The following SAMD4B variants were observed in gnomAD, a reference collection of about 807,000 sequenced individuals.
The protein encoded by SAMD4B is protein Smaug homolog 2.
SAMD4B carries 5 observed loss-of-function variants against 74.5 expected under a neutral mutation model. The observed-to-expected ratio is 0.07, with a 90% CI of 0.04 to 0.14. SAMD4B has a LOEUF of 0.14. Among genes scored for constraint, SAMD4B ranks in the 10% least tolerant of loss-of-function variants. SAMD4B has a pLI of 1.00. For missense variants in SAMD4B, 608 were observed against 921.8 expected (o/e 0.66, Z 4.41); for synonymous variants, 373 against 374.9 (o/e 1.00, Z 0.06).
At chr19:39,356,642 A>G in intron 2 of SAMD4B, 47 bp from the exon 3 acceptor site, 1 of 389,260 alleles carries the variant, frequency 2.6e-6, no homozygotes, top group Non-Finnish European at 4.7e-6. Context: ...TCACCAGGCA[A>G]GTTTCAGCCC....
At position 39,370,029 on chromosome 19, in the gene SAMD4B, C is replaced by G. The variant is rs2077191957; in HGVS notation, c.571C>G (p.Gln191Glu). 5 of 1,611,938 alleles carry G rather than the reference C, an allele frequency of 3.1e-6. No homozygotes were observed. The South Asian group carries it at 5.5e-5, about 18-fold the overall frequency. ...LGPGEAGPGWQDKPPRENGHV... is the reference protein window; with the variant it reads ...LGPGEAGPGWEDKPPRENGHV... ...CCCTGGGGAGGCAGGGCCAGGCTGG[C>G]AGGACAAGCCACCCCGGGAAAATGG... The change falls in exon 4 of 14, where the codon CAG becomes GAG. Residue 191 changes from glutamine to glutamate, a missense_variant. Transcript: ENST00000610417.
intron 4 of SAMD4B, among the ~76,000 whole-genome samples, chr19:39,370,478 A>G (rs2077224891): frequency 6.6e-6 from 1 of 152,202 alleles, no homozygotes; most frequent in South Asian, 2.1e-4. Flanking sequence ...AGTGGCAGCA[A>G]TAATATAGAG....
At chr19:39,356,440 G>A (rs923818744) in intron 2 of SAMD4B, among the ~76,000 whole-genome samples, 2 of 152,206 alleles carry the variant, frequency 1.3e-5, no homozygotes, top group African/African-American at 4.8e-5. Flanking sequence ...ACAGCCAGGT[G>A]TGAGGGCCAA....
At chr19:39,357,122 C>T (rs1479266643) in intron 3 of SAMD4B, 33 bp downstream of exon 3, 1 of 1,548,716 alleles carries the variant, frequency 6.5e-7, no homozygotes, top group African/African-American at 1.4e-5. Flanking sequence ...GGGAGCACAG[C>T]AGGAGGGAGA....
chr19:39,385,811 T>A (rs2078232984), downstream of SAMD4B: 1 of 876,126 alleles, frequency 1.1e-6, no homozygotes. Flanking sequence ...GCGGGAGGTA[T>A]GTGCTGGGCT....
At chr19:39,344,080 C>T (rs2075535954) in intron 1 of SAMD4B, among the ~76,000 whole-genome samples, 1 of 149,022 alleles carries the variant, frequency 6.7e-6, no homozygotes, top group Non-Finnish European at 1.5e-5. Context: ...ACCTTCCTGA[C>T]ACCACCAGAA....
chr19:39,378,450 A>G lies in SAMD4B; in HGVS notation c.1445-54A>G, dbSNP rs1460023457. The G allele has an allele frequency of 2.0e-6, 3 of 1,531,788 alleles. No homozygotes were observed. Among genetic ancestry groups the G allele is most frequent in the African/African-American group, 1.4e-5 (1 of 73,154 alleles). 94.9% of individuals were successfully genotyped at this position (1,531,788 alleles called of 1,614,324 possible). ...GCACGAGCCAGCTGGAGGCTGGAAC[A>G]TGGCAGAGGGCATACTAGGGGTTAA... On this transcript the variant is annotated intron_variant, in intron 8 of 13. Coordinates refer to ENST00000610417, the MANE Select transcript of SAMD4B (RefSeq NM_001384574.2). This position sits in a 1 kb window ranked among gnomAD's most constrained non-coding sequence, Gnocchi z 4.4.
chr19:39,386,089 C>CGCT (rs1194427107), downstream of SAMD4B: 1 of 1,613,896 alleles, frequency 6.2e-7, no homozygotes, highest in East Asian at 2.2e-5. The surrounding 1 kb of genome is among the most constrained non-coding windows in gnomAD (Gnocchi z 6.1). Context: ...AAGGGACTGG[C>CGCT]GCTGCGGCTG....
At chr19:39,387,008 T>C (rs1474558697), downstream of SAMD4B, among the ~76,000 whole-genome samples, 1 of 152,198 alleles carries the variant, frequency 6.6e-6, no homozygotes, top group Non-Finnish European at 1.5e-5. Flanking sequence ...GGCACCAGTT[T>C]GGTTGCCCTA....
downstream of SAMD4B, chr19:39,388,916 GT>G: frequency 6.2e-7 from 1 of 1,611,482 alleles, no homozygotes; most frequent in South Asian, 1.1e-5. Context: ...CAAATAGGCT[GT>G]CCCTTTCTAC....
chr19:39,356,076 C>T (rs1253842382), intron 2 of SAMD4B, among the ~76,000 whole-genome samples: 1 of 152,204 alleles, frequency 6.6e-6, no homozygotes, highest in Non-Finnish European at 1.5e-5. Flanking sequence ...TCCATGCCCA[C>T]ACCTGATAGA....
At chr19:39,367,663 C>T (rs1291380388) in intron 3 of SAMD4B, among the ~76,000 whole-genome samples, 1 of 151,722 alleles carries the variant, frequency 6.6e-6, no homozygotes, top group Non-Finnish European at 1.5e-5. Context: ...CATCCACCAC[C>T]ATGCCCGGTT....
At chr19:39,374,959 G>A (rs1032286605) in intron 4 of SAMD4B, among the ~76,000 whole-genome samples, 3 of 152,200 alleles carry the variant, frequency 2.0e-5, no homozygotes, top group Non-Finnish European at 4.4e-5. Flanking sequence ...GGCAGCAGAG[G>A]TGGGCAGTGA....
intron 3 of SAMD4B, chr19:39,369,363 A>G (rs1335551232): frequency 1.5e-5 from 6 of 390,512 alleles, no homozygotes; most frequent in Admixed American, 1.3e-4. Context: ...GAGCAGGTCA[A>G]AACTCCCGTG....
chr19:39,355,654 T>C (rs564782225), intron 2 of SAMD4B, among the ~76,000 whole-genome samples: 1 of 152,144 alleles, frequency 6.6e-6, no homozygotes, highest in Admixed American at 6.5e-5. Flanking sequence ...TCGAGACACT[T>C]AGAAAAAGCC....
downstream of SAMD4B, chr19:39,386,727 A>G: frequency 6.2e-7 from 1 of 1,613,946 alleles, no homozygotes; most frequent in East Asian, 2.2e-5. This position sits in a 1 kb window ranked among gnomAD's most constrained non-coding sequence, Gnocchi z 6.1. Flanking sequence ...TCATGTCCCG[A>G]TGTTTGACCA....
At chr19:39,374,229 C>T (rs1367195779) in intron 4 of SAMD4B, among the ~76,000 whole-genome samples, 1 of 152,026 alleles carries the variant, frequency 6.6e-6, no homozygotes, top group Non-Finnish European at 1.5e-5. Context: ...CAAGATTGCA[C>T]CACCGCACTC....
chr19:39,386,167 C>T (rs2078243478), downstream of SAMD4B: 4 of 1,614,154 alleles, frequency 2.5e-6, no homozygotes, highest in Non-Finnish European at 3.4e-6. The surrounding 1 kb of genome is among the most constrained non-coding windows in gnomAD (Gnocchi z 6.1). Context: ...CCACCTTGGG[C>T]CTGTCCTCTG....
chr19:39,365,858 A>G (rs1465889941), intron 3 of SAMD4B, among the ~76,000 whole-genome samples: 1 of 152,240 alleles, frequency 6.6e-6, no homozygotes, highest in Non-Finnish European at 1.5e-5. Context: ...ATTTTAACCA[A>G]TGCTGTAGAC....
Sources: gnomAD v4.1 joint callset for allele counts (sites outside exome capture counted in the v4.1 genomes callset) on GRCh38, gnomAD v4.1.1 for gene constraint, Gnocchi (gnomAD v3.1) non-coding constraint, MANE v1.5 for transcripts, NCBI Gene and HGNC (gene_info 2026-07-23, HGNC 2026-07-21) for gene names.